SLC35F1: variants seen among roughly 807,000 people sequenced by gnomAD.
The protein encoded by SLC35F1 is chromosome 6 open reading frame 169.
Under a neutral mutation model 48.7 loss-of-function variants are expected in SLC35F1, and 14 were observed. The observed-to-expected ratio is 0.29, with a 90% CI of 0.19 to 0.45. The LOEUF is 0.45. SLC35F1 is among the 20% of genes least tolerant of loss of function. The probability of loss-of-function intolerance (pLI) is 1.00; values close to 1 mark genes in which losing one functional copy is unlikely to be tolerated. For missense variants in SLC35F1, 404 were observed against 500.0 expected, an observed-to-expected ratio of 0.81 and a Z score of 1.83; for synonymous variants, 190 against 202.2, an observed-to-expected ratio of 0.94 and a Z score of 0.51.
intron 3 of SLC35F1, among the ~76,000 whole-genome samples, chr6:118,261,893 A>G (rs908541137): frequency 2.0e-5 from 3 of 152,216 alleles, no homozygotes; most frequent in Admixed American, 2.0e-4. Context: ...TAGCATTGCT[A>G]AGGGGAGACA....
intron 3 of SLC35F1, among the ~76,000 whole-genome samples, chr6:118,238,229 G>A (rs896356333): frequency 1.3e-5 from 2 of 151,848 alleles, no homozygotes; most frequent in Non-Finnish European, 2.9e-5. Context: ...TTATTTCAAG[G>A]ACCTCTGTAC....
At position 117,950,961 on chromosome 6, in the gene SLC35F1, C is replaced by T. The variant is rs114536214; in HGVS notation, c.173+43062C>T. On this transcript the variant is annotated intron_variant, in intron 1 of 7. Coordinates refer to ENST00000360388, the MANE Select transcript of SLC35F1 (RefSeq NM_001029858.4). ...TTATTTAACATATAGTCAAATAATA[C>T]ATTCTTAAATATGTCTAAACTAAAA... 9.3e-3 allele frequency among the ~76,000 whole-genome samples: 1,414 copies of T among 152,110 alleles called. 20 individuals carry two copies. Among genetic ancestry groups the T allele is most frequent in the African/African-American group, 0.029 (1,200 of 41,498 alleles).
intron 2 of SLC35F1, among the ~76,000 whole-genome samples, chr6:118,162,623 C>G (rs1038310826): frequency 4.6e-5 from 7 of 152,134 alleles, no homozygotes; most frequent in Non-Finnish European, 1.0e-4. Context: ...TATCACTGGG[C>G]CTAGAGTTTA....
rs1041226501 is a variant in SLC35F1, at chr6:117,946,962, A to G, written c.173+39063A>G. Among the ~76,000 whole-genome samples the G allele has an allele frequency of 3.9e-5, 6 of 152,220 alleles. No individual in the cohort carries two copies. The South Asian group carries it at 6.2e-4, about 16-fold the overall frequency. On this transcript the variant is annotated intron_variant, in intron 1 of 7. Transcript: ENST00000360388. ...ATTTTTAGGTTTTGAGAAAACAGTG[A>G]ACAAAGTAGACAAAAATCTGTTTTC...
chr6:118,099,155 A>G (rs558257938), intron 1 of SLC35F1, among the ~76,000 whole-genome samples: 1 of 152,346 alleles, frequency 6.6e-6, no homozygotes, highest in Non-Finnish European at 1.5e-5. Flanking sequence ...TGAATGTGGC[A>G]GTGCCATGAT....
chr6:117,929,453 ATG>A (rs143634465), intron 1 of SLC35F1, among the ~76,000 whole-genome samples: 7,181 of 145,964 alleles, frequency 0.049, 228 homozygotes, highest in African/African-American at 0.1. Flanking sequence ...GTATGTATTT[ATG>A]TGTGTGTGTG....
intron 1 of SLC35F1, among the ~76,000 whole-genome samples, chr6:117,983,438 G>A (rs534457991): frequency 4.3e-4 from 66 of 152,152 alleles, no homozygotes; most frequent in Non-Finnish European, 8.2e-4. Flanking sequence ...TTAGTCGGGT[G>A]TGGTGGCAGT....
At position 118,253,037 on chromosome 6, in the gene SLC35F1, C is replaced by A. The variant is rs117405963; in HGVS notation, c.478-13958C>A. On this transcript the variant is annotated intron_variant, in intron 3 of 7. Transcript: ENST00000360388. ...ATTAGATAAGTAGGTGGTTATATGG[C>A]TGTGGAGTTCAGGAGATAGATCCAG... Among the ~76,000 whole-genome samples, 145 of 152,196 alleles carry A rather than the reference C, an allele frequency of 9.5e-4. 5 individuals carry two copies. In the East Asian group the frequency reaches 0.016, roughly 17 times the overall value.
At chr6:118,203,936 A>G (rs1774901557) in intron 2 of SLC35F1, among the ~76,000 whole-genome samples, 1 of 152,176 alleles carries the variant, frequency 6.6e-6, no homozygotes, top group Non-Finnish European at 1.5e-5. Context: ...CCCTGCATTC[A>G]TGGAGAATTA....
At chr6:118,276,322 A>G (rs1036282967) in intron 5 of SLC35F1, among the ~76,000 whole-genome samples, 1 of 152,250 alleles carries the variant, frequency 6.6e-6, no homozygotes, top group African/African-American at 2.4e-5. Flanking sequence ...GAATGATAGT[A>G]TAACCTCCAG....
At chr6:118,079,068 T>C (rs1351296032) in intron 1 of SLC35F1, among the ~76,000 whole-genome samples, 1 of 152,128 alleles carries the variant, frequency 6.6e-6, no homozygotes, top group African/African-American at 2.4e-5. Context: ...TTGTATACAA[T>C]TTTTTTGTGT....
chr6:117,961,018 C>T (rs1190159128), intron 1 of SLC35F1, among the ~76,000 whole-genome samples: 1 of 152,066 alleles, frequency 6.6e-6, no homozygotes, highest in Non-Finnish European at 1.5e-5. Context: ...TACAATATCT[C>T]CTTCAGGTCT....
At chr6:118,299,043 T>C (rs1030347158) in intron 7 of SLC35F1, among the ~76,000 whole-genome samples, 5 of 152,036 alleles carry the variant, frequency 3.3e-5, no homozygotes, top group Non-Finnish European at 7.4e-5. Context: ...TAGCCGGGCA[T>C]GGTGGCATGC....
chr6:118,129,498 C>T (rs1004841246), intron 1 of SLC35F1, among the ~76,000 whole-genome samples: 2 of 152,060 alleles, frequency 1.3e-5, no homozygotes, highest in African/African-American at 4.8e-5. Flanking sequence ...TAATAGAGAA[C>T]AGATTGAAGG....
chr6:118,123,741 C>G (rs183913839), intron 1 of SLC35F1, among the ~76,000 whole-genome samples: 104 of 152,308 alleles, frequency 6.8e-4, no homozygotes, highest in Non-Finnish European at 1.0e-3. Context: ...TTCTGGAACA[C>G]CTTGCTTAAA....
chr6:118,102,113 G>T (rs186287107), intron 1 of SLC35F1, among the ~76,000 whole-genome samples: 1 of 152,124 alleles, frequency 6.6e-6, no homozygotes, highest in Non-Finnish European at 1.5e-5. Context: ...CCCTTTCATC[G>T]GGTCTAATGC....
At chr6:118,265,134 C>T (rs1775756028) in intron 3 of SLC35F1, among the ~76,000 whole-genome samples, 1 of 152,192 alleles carries the variant, frequency 6.6e-6, no homozygotes, top group Non-Finnish European at 1.5e-5. Flanking sequence ...CACAGAGAAA[C>T]ATGAGCATCT....
At chr6:117,977,991 T>TA (rs1280512324) in intron 1 of SLC35F1, among the ~76,000 whole-genome samples, 1 of 152,192 alleles carries the variant, frequency 6.6e-6, no homozygotes, top group Non-Finnish European at 1.5e-5. Context: ...ATTTAGTTTT[T>TA]ACTTGAATTT....
At chr6:117,958,934 T>A (rs1483410102) in intron 1 of SLC35F1, among the ~76,000 whole-genome samples, 1 of 152,236 alleles carries the variant, frequency 6.6e-6, no homozygotes, top group Non-Finnish European at 1.5e-5. Flanking sequence ...ATTTTGAGAA[T>A]ATCTAATCCC....
Sources: allele counts gnomAD v4.1 joint callset (sites outside exome capture counted in the v4.1 genomes callset), GRCh38; gene constraint gnomAD v4.1.1; transcripts MANE v1.5; gene names NCBI Gene and HGNC (gene_info 2026-07-23, HGNC 2026-07-21).